The following CENPL variants were observed in gnomAD, a reference collection of about 807,000 sequenced individuals.
CENPL encodes centromere protein L.
CENPL carries 20 observed loss-of-function variants against 35.2 expected under a neutral mutation model. That is an observed-to-expected ratio of 0.57 (90% CI 0.40 to 0.83). The LOEUF is 0.83. CENPL is among the 40% of genes least tolerant of loss of function. The pLI is 0.00. For missense variants in CENPL, 363 were observed against 395.8 expected, an observed-to-expected ratio of 0.92 and a Z score of 0.70; for synonymous variants, 140 against 140.6, an observed-to-expected ratio of 1.00 and a Z score of 0.03.
Position 173,803,119 on chromosome 1 carries a change from G to A in CENPL, c.807C>T (p.His269=). ...CCTGGGTAACCTCCCCAGGTGTTTT[G>A]TGGACACTGTCCCATAGAGCTTTTG... ...EDAKALWDSV[H]KTPGEVTQEE... The change falls in exon 5 of 6, where the codon CAC becomes CAT. Residue 269 remains histidine, a synonymous_variant. Transcript: ENST00000682279. 6.2e-7 allele frequency: 1 copy of A among 1,614,116 alleles called. No homozygotes were observed. The highest frequency in any genetic ancestry group is 1.1e-5 in the South Asian group (1 of 91,086).
chr1:173,810,258 G>C (rs1650675441), intron 3 of CENPL, among the ~76,000 whole-genome samples: 1 of 152,148 alleles, frequency 6.6e-6, no homozygotes, highest in African/African-American at 2.4e-5. Context: ...ACAAGCAAAG[G>C]AACAGAAAAC....
chr1:173,818,678 A>G (rs1272593697), intron 2 of CENPL, among the ~76,000 whole-genome samples: 1 of 152,160 alleles, frequency 6.6e-6, no homozygotes, highest in Non-Finnish European at 1.5e-5. Context: ...ATCCCTCAAG[A>G]ATGTTCTACA....
In CENPL at chr1:173,808,279, G is replaced by A. The variant is rs146401871; in HGVS notation, c.169-761C>T. Among the ~76,000 whole-genome samples, 574 of 151,928 alleles carry A rather than the reference G, an allele frequency of 3.8e-3. 2 individuals carry two copies. Among genetic ancestry groups the A allele is most frequent in the Middle Eastern group, 0.014 (4 of 294 alleles). ...AAATAAATAAGCCAGGCATGGTGGT[G>A]TGCACCTGTAATCCCAGCTACTCAG... On this transcript the variant is annotated intron_variant, in intron 3 of 5. Coordinates refer to ENST00000682279, the MANE Select transcript of CENPL (RefSeq NM_001387287.1).
chr1:173,818,247 G>A (rs556461554), intron 2 of CENPL, among the ~76,000 whole-genome samples: 6 of 152,030 alleles, frequency 3.9e-5, no homozygotes, highest in Admixed American at 2.6e-4. Flanking sequence ...AGAGTTCTCC[G>A]TATCCAGAGT....
intron 2 of CENPL, among the ~76,000 whole-genome samples, chr1:173,818,155 T>A (rs746307884): frequency 8.6e-5 from 13 of 151,918 alleles, no homozygotes; most frequent in Non-Finnish European, 1.8e-4. Context: ...AAGTATAATT[T>A]AAAAAATAAA....
At chr1:173,815,421 G>A (rs1035188443) in intron 2 of CENPL, among the ~76,000 whole-genome samples, 18 of 152,274 alleles carry the variant, frequency 1.2e-4, no homozygotes, top group African/African-American at 4.3e-4. Context: ...GATGAACATG[G>A]ATGCAAAAAT....
Position 173,800,444 on chromosome 1 carries a change from G to A in CENPL, c.*4C>T, listed in dbSNP as rs373057252. ...AATCTATAACTTATAGTCCACATAA[G>A]GCTTCACTCAATTTGAAAAATTGCC... On this transcript the variant is annotated 3_prime_UTR_variant, in exon 6 of 6. Transcript: ENST00000682279. The A allele has an allele frequency of 4.1e-6, 5 of 1,212,730 alleles. No homozygotes were observed. In the African/African-American group the frequency reaches 6.0e-5, roughly 14 times the overall value. The allele number at this position is 1,212,730 out of a possible 1,614,324, so 75.1% of individuals were successfully genotyped here.
At chr1:173,805,635 T>C (rs1411150480) in intron 4 of CENPL, among the ~76,000 whole-genome samples, 1 of 152,176 alleles carries the variant, frequency 6.6e-6, no homozygotes, top group East Asian at 1.9e-4. Context: ...AGATTTACTC[T>C]GCATCAGGTT....
Position 173,806,430 on chromosome 1 carries a change from A to G in CENPL, c.420+837T>C, listed in dbSNP as rs571824413. ...GCGAGACCCTGTCTACAAAAAATAC[A>G]AAATTTACCCGAGTGTGGTGGCATG... On this transcript the variant is annotated intron_variant, in intron 4 of 5. Transcript: ENST00000682279. The G allele has an allele frequency of 7.2e-4, 321 of 446,860 alleles. 3 individuals are homozygous for G. Among genetic ancestry groups the G allele is most frequent in the South Asian group, 4.8e-3 (309 of 64,064 alleles). The allele number at this position is 446,860 out of a possible 1,614,324, so 27.7% of individuals were successfully genotyped here.
At chr1:173,806,930 A>C (rs1236107582) in intron 4 of CENPL, among the ~76,000 whole-genome samples, 1 of 152,124 alleles carries the variant, frequency 6.6e-6, no homozygotes, top group Non-Finnish European at 1.5e-5. Flanking sequence ...CCCAGTAAAA[A>C]CCACAAAAAT....
Position 173,803,192 on chromosome 1 carries a change from C to G in CENPL, c.734G>C (p.Cys245Ser), listed in dbSNP as rs41265234. 1,889 of 1,613,728 alleles carry G rather than the reference C, an allele frequency of 1.2e-3. 18 individuals carry two copies. In the East Asian group the frequency reaches 0.024, roughly 20 times the overall value. ...AGAAATGTCCAGACTTTGAGGGCTACAGGGTACAGACCAAAGAAATTCAGT... is the reference window on the plus strand; with the variant it reads ...AGAAATGTCCAGACTTTGAGGGCTAGAGGGTACAGACCAAAGAAATTCAGT... ...ATTEFLWSVPCSPQSLDISFA... is the reference protein window; with the variant it reads ...ATTEFLWSVPSSPQSLDISFA... The change falls in exon 5 of 6, where the codon TGT becomes TCT. Residue 245 changes from cysteine to serine, a missense_variant. Transcript: ENST00000682279.
At chr1:173,811,455 A>G (rs1040507418) in intron 2 of CENPL, 149 bp from the exon 3 acceptor site, 4 of 550,098 alleles carry the variant, frequency 7.3e-6, no homozygotes, top group Middle Eastern at 4.8e-4. Flanking sequence ...ACCAAGTCCT[A>G]TATTCCTCAT....
At chr1:173,800,878 G>C (rs1487906204) in intron 5 of CENPL, among the ~76,000 whole-genome samples, 2 of 151,944 alleles carry the variant, frequency 1.3e-5, no homozygotes. Flanking sequence ...GATCACTTGA[G>C]CCCAAGAGTT....
chr1:173,817,153 C>CAAA (rs113949549), intron 2 of CENPL, among the ~76,000 whole-genome samples: 2 of 146,704 alleles, frequency 1.4e-5, no homozygotes, highest in Admixed American at 1.4e-4. Context: ...AAAAAGAAAG[C>CAAA]AAAAAAATAA....
chr1:173,821,214 C>A (rs955536453), intron 2 of CENPL, among the ~76,000 whole-genome samples: 20 of 152,162 alleles, frequency 1.3e-4, no homozygotes, highest in Admixed American at 1.3e-3. Context: ...AATCTTCAAA[C>A]AACCCCATGA....
intron 5 of CENPL, 122 bp from the exon 6 acceptor site, chr1:173,800,641 T>C: frequency 1.8e-6 from 1 of 550,684 alleles, no homozygotes. Context: ...TCATGAAGCT[T>C]ACCACATGCA....
At position 173,811,348 on chromosome 1, in the gene CENPL, AG is replaced by A. The variant is rs66554404; in HGVS notation, c.-7-43del. The A allele has an allele frequency of 0.014, 19,408 of 1,378,232 alleles. 1,866 individuals are homozygous for A. In the African/African-American group the frequency reaches 0.22, roughly 16 times the overall value. 85.4% of individuals were successfully genotyped at this position (1,378,232 alleles called of 1,614,324 possible). A position where few individuals can be genotyped will look rare whatever the true frequency, so the allele number is the denominator to read the frequency against. ...AAAACCAGAATTCTAAGCACTAAAAAGTTAATTCATGCTTACAGTTTCACTG... is the reference window on the plus strand; with the variant it reads ...AAAACCAGAATTCTAAGCACTAAAAATTAATTCATGCTTACAGTTTCACTG... On this transcript the variant is annotated intron_variant, in intron 2 of 5. Transcript: ENST00000682279.
intron 3 of CENPL, among the ~76,000 whole-genome samples, chr1:173,810,630 A>G (rs1223047557): frequency 6.6e-6 from 1 of 152,226 alleles, no homozygotes; most frequent in African/African-American, 2.4e-5. Context: ...CTTTAAAAAT[A>G]AATAAACAGG....
chr1:173,806,286 TAAAC>T (rs976111069), intron 4 of CENPL, among the ~76,000 whole-genome samples: 9 of 152,108 alleles, frequency 5.9e-5, no homozygotes, highest in African/African-American at 1.2e-4. Context: ...GCATGAATAA[TAAAC>T]AAAATAAATC....
Sources: allele counts gnomAD v4.1 joint callset (sites outside exome capture counted in the v4.1 genomes callset), GRCh38; gene constraint gnomAD v4.1.1; transcripts MANE v1.5; gene names NCBI Gene and HGNC (gene_info 2026-07-23, HGNC 2026-07-21).